Variants in JARID2 observed in about 807,000 individuals in gnomAD.
JARID2 encodes the protein jumonji and AT-rich interaction domain containing 2, also known as protein Jumonji.
Under a neutral mutation model 125.6 loss-of-function variants are expected in JARID2, and 21 were observed. The observed-to-expected ratio is 0.17, with a 90% CI of 0.12 to 0.24. The LOEUF (loss-of-function observed/expected upper bound fraction) is 0.24. Ranked by LOEUF, JARID2 falls within the 10% of genes least tolerant of loss-of-function variation. JARID2 has a pLI of 1.00. For synonymous variants in JARID2, 736 were observed against 661.6 expected (o/e 1.11, Z -1.73); for missense variants, 1,303 against 1,639.6 (o/e 0.79, Z 3.55).
intron 1 of JARID2, among the ~76,000 whole-genome samples, chr6:15,270,063 A>T (rs996416524): frequency 1.3e-5 from 2 of 152,190 alleles, no homozygotes; most frequent in African/African-American, 4.8e-5. Flanking sequence ...AGATCCTAGC[A>T]CTTGTAACTG....
In JARID2 at chr6:15,468,676, C is replaced by T. The variant is rs1483607607; in HGVS notation, c.628C>T (p.Pro210Ser). 2 of 1,613,746 alleles carry T rather than the reference C, an allele frequency of 1.2e-6. No individual in the cohort carries two copies. Among genetic ancestry groups the T allele is most frequent in the African/African-American group, 2.7e-5 (2 of 74,976 alleles). The change falls in exon 5 of 18, where the codon CCC becomes TCC. Residue 210 changes from proline to serine, a missense_variant. Around this residue, in one of 11 missense-constraint regions of JARID2, gnomAD observed 651 missense variants for 581.6 expected, o/e 1.12. Coordinates refer to ENST00000341776, the MANE Select transcript of JARID2 (RefSeq NM_004973.4). Reference protein sequence around the residue: ...NNASSSCQSTPRKGKTHKHVH... With the variant: ...NNASSSCQSTSRKGKTHKHVH... Reference sequence around the variant, plus strand: ...TGCTTCATCTTCATGCCAGTCGACCCCCAGGAAAGGAAAAACCCACAAACA... The same window carrying T: ...TGCTTCATCTTCATGCCAGTCGACCTCCAGGAAAGGAAAAACCCACAAACA...
chr6:15,428,910 A>AAAC (rs1561857051), intron 3 of JARID2, among the ~76,000 whole-genome samples: 1 of 147,046 alleles, frequency 6.8e-6, no homozygotes, highest in Non-Finnish European at 1.5e-5. Context: ...TGTCTCAAAA[A>AAAC]AACAACAAAA....
rs148512398 is a variant in JARID2, at chr6:15,445,340, A to C, written c.324-6666A>C. Among the ~76,000 whole-genome samples the C allele has an allele frequency of 2.7e-3, 404 of 152,336 alleles. 6 individuals carry two copies. Among genetic ancestry groups the C allele is most frequent in the Admixed American group, 0.024 (367 of 15,302 alleles). ...CTCGTGATTTATTGGTTAACTTTCC[A>C]AATAATGTTAGTGTGTATCTTGCTG... On this transcript the variant is annotated intron_variant, in intron 3 of 17. Transcript: ENST00000341776.
chr6:15,267,176 C>G (rs1414274025), intron 1 of JARID2, among the ~76,000 whole-genome samples: 1 of 152,194 alleles, frequency 6.6e-6, no homozygotes, highest in African/African-American at 2.4e-5. Flanking sequence ...CTCTGAAACT[C>G]TGAACACAGT....
intron 1 of JARID2, among the ~76,000 whole-genome samples, chr6:15,259,058 A>G (rs1759776313): frequency 6.6e-6 from 1 of 152,116 alleles, no homozygotes; most frequent in Admixed American, 6.5e-5. Flanking sequence ...ACCCAGACAT[A>G]TTTTTGGATG....
chr6:15,374,930 T>C (rs1034987728), intron 2 of JARID2, among the ~76,000 whole-genome samples: 1 of 152,228 alleles, frequency 6.6e-6, no homozygotes, highest in African/African-American at 2.4e-5. Flanking sequence ...TATAATCCCC[T>C]GTGTACTTAT....
chr6:15,331,471 A>G (rs1762708212), intron 1 of JARID2, among the ~76,000 whole-genome samples: 3 of 152,208 alleles, frequency 2.0e-5, no homozygotes, highest in South Asian at 4.1e-4. Flanking sequence ...AATACCCCAG[A>G]CTGAATGGGG....
At chr6:15,472,621 G>A (rs553914191) in intron 5 of JARID2, among the ~76,000 whole-genome samples, 22 of 152,306 alleles carry the variant, frequency 1.4e-4, no homozygotes, top group African/African-American at 5.3e-4. Context: ...AAGCCATGGG[G>A]CTGTGCAGTC....
chr6:15,290,444 A>T (rs377712125), intron 1 of JARID2, among the ~76,000 whole-genome samples: 1 of 152,178 alleles, frequency 6.6e-6, no homozygotes, highest in Non-Finnish European at 1.5e-5. Context: ...GTTGAGGATT[A>T]TAAGAAACTG....
intron 1 of JARID2, among the ~76,000 whole-genome samples, chr6:15,328,800 T>C (rs1762613482): frequency 6.6e-6 from 1 of 152,204 alleles, no homozygotes; most frequent in African/African-American, 2.4e-5. Context: ...CACATGTTAA[T>C]ATGGCATGGG....
chr6:15,394,396 C>T (rs909816920), intron 2 of JARID2, among the ~76,000 whole-genome samples: 2 of 152,072 alleles, frequency 1.3e-5, no homozygotes, highest in South Asian at 2.1e-4. Flanking sequence ...TCGGGAGGAT[C>T]GCTTCAGGCC....
At chr6:15,359,736 G>A (rs1351866750) in intron 1 of JARID2, among the ~76,000 whole-genome samples, 1 of 151,246 alleles carries the variant, frequency 6.6e-6, no homozygotes, top group African/African-American at 2.4e-5. Flanking sequence ...TATTTGAGAT[G>A]GAGTCTCCCA....
chr6:15,281,799 A>G (rs1218733719), intron 1 of JARID2, among the ~76,000 whole-genome samples: 1 of 152,236 alleles, frequency 6.6e-6, no homozygotes, highest in Non-Finnish European at 1.5e-5. Context: ...GGAGGCACTC[A>G]GTAGACCTTT....
chr6:15,258,464 A>C (rs985374803), intron 1 of JARID2, among the ~76,000 whole-genome samples: 4 of 152,146 alleles, frequency 2.6e-5, no homozygotes, highest in Non-Finnish European at 5.9e-5. Context: ...GGCTGAATCA[A>C]ATGTTAAAGT....
chr6:15,247,709 A>C (rs780205400), intron 1 of JARID2: 3 of 985,364 alleles, frequency 3.0e-6, no homozygotes, highest in Non-Finnish European at 1.2e-6. Context: ...AAATATATTT[A>C]ATGGAAAAGC....
intron 1 of JARID2, among the ~76,000 whole-genome samples, chr6:15,291,129 A>C (rs1761196156): frequency 1.3e-5 from 2 of 152,262 alleles, no homozygotes; most frequent in South Asian, 2.1e-4. Context: ...TCAGTTACTC[A>C]GGACGTTGCG....
chr6:15,419,318 A>G (rs1766380196), intron 3 of JARID2, among the ~76,000 whole-genome samples: 1 of 152,232 alleles, frequency 6.6e-6, no homozygotes. Flanking sequence ...TCTCTACTAC[A>G]GAAAGTAAAG....
intron 8 of JARID2, 146 bp downstream of exon 8, chr6:15,501,555 C>T: frequency 4.5e-6 from 3 of 671,900 alleles, no homozygotes; most frequent in East Asian, 2.8e-5. Context: ...GGTGATAGCG[C>T]TGTATTAGTC....
chr6:15,348,694 G>A (rs552384685), intron 1 of JARID2, among the ~76,000 whole-genome samples: 38 of 152,040 alleles, frequency 2.5e-4, no homozygotes, highest in Non-Finnish European at 4.1e-4. Context: ...TTTATTCTTC[G>A]CTGAAACCAT....
Sources: gnomAD v4.1 joint callset for allele counts (sites outside exome capture counted in the v4.1 genomes callset) on GRCh38, gnomAD v4.1.1 for gene constraint, gnomAD v4.1.1 regional missense constraint, MANE v1.5 for transcripts, NCBI Gene and HGNC (gene_info 2026-07-23, HGNC 2026-07-21) for gene names.